The following PCNX1 variants were observed in gnomAD, a reference collection of about 807,000 sequenced individuals.
PCNX1 encodes pecanex-like protein 1.
A neutral mutation model predicts 242.2 loss-of-function variants in PCNX1; 78 were observed. The observed-to-expected ratio is 0.32, with a 90% confidence interval of 0.27 to 0.39. PCNX1 has a LOEUF of 0.39. Ranked by LOEUF, PCNX1 falls within the 10% of genes least tolerant of loss-of-function variation. The probability of loss-of-function intolerance (pLI) is 1.00; values close to 1 mark genes in which losing one functional copy is unlikely to be tolerated. For missense variants in PCNX1, 2,581 were observed against 2,856.5 expected (o/e 0.90, Z 2.20); for synonymous variants, 1,024 against 1,032.9 (o/e 0.99, Z 0.17).
rs1181036838 is a variant in PCNX1 at position 71,073,480 on chromosome 14, C to T, written c.4853-65C>T. The T allele has an allele frequency of 7.6e-6, 11 of 1,440,838 alleles. No individual in the cohort carries two copies. In the African/African-American group the frequency reaches 1.6e-4, roughly 20 times the overall value. 89.3% of individuals were successfully genotyped at this position (1,440,838 alleles called of 1,614,324 possible). ...GTATTTTTTTCTAAATCTTATGTGT[C>T]CTTGCATTCATTTTTCCCACTTTCT... On this transcript the variant is annotated intron_variant, in intron 26 of 35. Transcript: ENST00000304743.
intron 8 of PCNX1, 40 bp downstream of exon 8, chr14:70,995,965 T>G: frequency 1.4e-6 from 2 of 1,461,358 alleles, no homozygotes; most frequent in Non-Finnish European, 1.9e-6. Flanking sequence ...ACAAAAACTT[T>G]AATGCAGCAG....
chr14:70,998,750 CAAAAAAAAAAAAAAAA>C (rs34044438), intron 8 of PCNX1, among the ~76,000 whole-genome samples: 1 of 89,090 alleles, frequency 1.1e-5, no homozygotes, highest in Admixed American at 1.2e-4. Flanking sequence ...GACCCTATCT[CAAAAAAAAAAAAAAAA>C]AAAAAAGAAA....
chr14:71,072,220 A>G (rs2061602954), intron 26 of PCNX1, among the ~76,000 whole-genome samples: 1 of 152,250 alleles, frequency 6.6e-6, no homozygotes, highest in Non-Finnish European at 1.5e-5. Context: ...TTCAATTTGT[A>G]GATATCACAG....
chr14:70,962,310 C>T lies in PCNX1; in HGVS notation c.447C>T (p.Ala149=), dbSNP rs775074995. Reference sequence around the variant, plus strand: ...GTTGCAGTTCCAGAAATTCTTATGCCGGTCTAGATCCAAGCAACCAGGTAG... The same window carrying T: ...GTTGCAGTTCCAGAAATTCTTATGCTGGTCTAGATCCAAGCAACCAGGTAG... ...PVGCSSRNSY[A]GLDPSNQIGS... The change falls in exon 3 of 36, where the codon GCC becomes GCT. Residue 149 remains alanine (A), a synonymous_variant. Transcript: ENST00000304743. 3.4e-5 allele frequency: 55 copies of T among 1,611,028 alleles called. No homozygotes were observed. The East Asian group carries it at 6.0e-4, about 18-fold the overall frequency.
intron 30 of PCNX1, among the ~76,000 whole-genome samples, chr14:71,100,844 G>A (rs1174939862): frequency 2.0e-5 from 3 of 151,292 alleles, no homozygotes; most frequent in Non-Finnish European, 4.4e-5. Context: ...ACCAGTCTTC[G>A]AGGTCCAAAA....
intron 3 of PCNX1, among the ~76,000 whole-genome samples, chr14:70,963,044 A>G (rs991778030): frequency 6.6e-6 from 1 of 152,208 alleles, no homozygotes; most frequent in African/African-American, 2.4e-5. Context: ...TTCATTATAT[A>G]GAAGAAGAAA....
chr14:70,930,182 T>G (rs988049253), intron 1 of PCNX1, among the ~76,000 whole-genome samples: 15 of 152,124 alleles, frequency 9.9e-5, no homozygotes, highest in African/African-American at 3.6e-4. Context: ...TTGCCTAGGC[T>G]GGAGTGCAGT....
At chr14:70,938,568 A>G (rs1393849187) in intron 1 of PCNX1, among the ~76,000 whole-genome samples, 1 of 152,182 alleles carries the variant, frequency 6.6e-6, no homozygotes, top group Non-Finnish European at 1.5e-5. Context: ...AGTGTTCATC[A>G]AGGATATTGG....
chr14:70,924,850 AACTGCTTGTTGGGATTACAGGCATGAGCC>A (rs1307085051), intron 1 of PCNX1, among the ~76,000 whole-genome samples: 11 of 151,930 alleles, frequency 7.2e-5, no homozygotes, highest in Non-Finnish European at 1.6e-4. Context: ...CAGCCTCCCA[AACTGCTTGTTGGGATTACAGGCATGAGCC>A]ACTGCACCTG....
Position 70,968,481 on chromosome 14 carries a change from T to G in PCNX1, c.514+238T>G, listed in dbSNP as rs2058447349. Among the ~76,000 whole-genome samples the G allele has an allele frequency of 2.0e-5, 3 of 152,270 alleles. No homozygotes were observed. The South Asian group carries it at 6.2e-4, about 31-fold the overall frequency. Reference sequence around the variant, plus strand: ...TACATTGCGTGAATTACATAAGTTTTGATCTATAAGAAACTTCCTTGCCCT... The same window carrying G: ...TACATTGCGTGAATTACATAAGTTTGGATCTATAAGAAACTTCCTTGCCCT... On this transcript the variant is annotated intron_variant, in intron 4 of 35. Coordinates refer to ENST00000304743, the MANE Select transcript of PCNX1 (RefSeq NM_014982.3).
intron 26 of PCNX1, among the ~76,000 whole-genome samples, chr14:71,062,833 C>T (rs2061360137): frequency 6.6e-6 from 1 of 152,130 alleles, no homozygotes; most frequent in Admixed American, 6.6e-5. Context: ...GGCAAGTGCC[C>T]TATATAGATA....
At chr14:70,923,365 A>G (rs1275479598) in intron 1 of PCNX1, among the ~76,000 whole-genome samples, 9 of 152,200 alleles carry the variant, frequency 5.9e-5, no homozygotes, top group Middle Eastern at 3.2e-3. Context: ...GGCTTGTAAG[A>G]AAAAAATTCA....
chr14:70,987,615 A>G (rs1217750049), intron 6 of PCNX1, among the ~76,000 whole-genome samples: 1 of 152,204 alleles, frequency 6.6e-6, no homozygotes, highest in African/African-American at 2.4e-5. Flanking sequence ...CAAAAGCAAA[A>G]TGATTCCCAA....
At chr14:71,109,618 C>A in intron 35 of PCNX1, 26 bp downstream of exon 35, 1 of 1,613,268 alleles carries the variant, frequency 6.2e-7, no homozygotes, top group South Asian at 1.1e-5. Context: ...AGCTGGCGGT[C>A]TGGGGCTCTG....
intron 1 of PCNX1, among the ~76,000 whole-genome samples, chr14:70,927,322 A>G (rs1041452339): frequency 6.6e-6 from 1 of 152,122 alleles, no homozygotes; most frequent in African/African-American, 2.4e-5. Flanking sequence ...CTACGTTTTT[A>G]AATTTTTTTC....
intron 28 of PCNX1, among the ~76,000 whole-genome samples, chr14:71,084,617 C>G (rs982958721): frequency 3.9e-5 from 6 of 152,194 alleles, no homozygotes; most frequent in Non-Finnish European, 8.8e-5. Context: ...CTGCCTGGTT[C>G]AAACTTCCTG....
intron 2 of PCNX1, among the ~76,000 whole-genome samples, chr14:70,957,907 A>G (rs569802223): frequency 6.6e-6 from 1 of 152,222 alleles, no homozygotes; most frequent in Non-Finnish European, 1.5e-5. Context: ...GTTATTTCTT[A>G]ATCTGTACTT....
At chr14:71,064,753 T>G (rs1011430133) in intron 26 of PCNX1, among the ~76,000 whole-genome samples, 1 of 152,214 alleles carries the variant, frequency 6.6e-6, no homozygotes, top group Non-Finnish European at 1.5e-5. Flanking sequence ...TTTCTCCTAA[T>G]GCTATCCCTC....
At chr14:70,975,296 A>G (rs1276013250) in intron 5 of PCNX1, among the ~76,000 whole-genome samples, 2 of 152,016 alleles carry the variant, frequency 1.3e-5, no homozygotes, top group Non-Finnish European at 2.9e-5. Context: ...TAGAAGATAT[A>G]AGAACGCAAC....
Sources: gnomAD v4.1 joint callset for allele counts (sites outside exome capture counted in the v4.1 genomes callset) on GRCh38, gnomAD v4.1.1 for gene constraint, MANE v1.5 for transcripts, NCBI Gene and HGNC (gene_info 2026-07-23, HGNC 2026-07-21) for gene names.